RAD51AP2: variants seen among roughly 807,000 people sequenced by gnomAD.
The protein encoded by RAD51AP2 is RAD51-associated protein 2.
A neutral mutation model predicts 85.5 loss-of-function variants in RAD51AP2; 67 were observed. The ratio of observed to expected loss-of-function variants is 0.78; its 90% CI spans 0.64 to 0.96. RAD51AP2 has a LOEUF of 0.96. Ranked by LOEUF, RAD51AP2 falls within the 40% of genes least tolerant of loss-of-function variation. The pLI is 0.00. For synonymous variants in RAD51AP2, 474 were observed against 446.5 expected, an observed-to-expected ratio of 1.06 and a Z score of -0.78; for missense variants, 1,307 against 1,332.4, an observed-to-expected ratio of 0.98 and a Z score of 0.30.
chr2:17,534,977 A>C, the RAD51AP2 span, among the ~76,000 whole-genome samples: 1 of 152,232 alleles, frequency 6.6e-6, no homozygotes, highest in African/African-American at 2.4e-5. Context: ...TTGAAATGAA[A>C]AGCAGACTTT....
At chr2:17,531,665 A>T in the RAD51AP2 span, among the ~76,000 whole-genome samples, 1 of 152,222 alleles carries the variant, frequency 6.6e-6, no homozygotes, top group Non-Finnish European at 1.5e-5. Flanking sequence ...TACTTCCAGC[A>T]GTGGTACTGT....
Position 17,516,559 on chromosome 2 carries a change from T to C in RAD51AP2, c.1857A>G (p.Lys619=). Residue 619 remains lysine, a synonymous_variant, in exon 1 of 3, where the codon AAA becomes AAG. Transcript: ENST00000399080. ...FKCMLYLKYP[K]NIVENHTAYL... ...ATGCAGTATGATTTTCCACTATATT[T>C]TTTGGATACTTCAAATAAAGCATGC... 1.3e-6 allele frequency: 2 copies of C among 1,578,186 alleles called. No homozygotes were observed. The highest frequency in any genetic ancestry group is 1.7e-6 in the Non-Finnish European group (2 of 1,156,876).
chr2:17,517,848 T>G lies in RAD51AP2; in HGVS notation c.568A>C (p.Asn190His). The change falls in exon 1 of 3, where the codon AAT (asparagine) becomes CAT (histidine). Residue 190 changes from asparagine to histidine, a missense_variant. By Grantham distance (68) the Asn-to-His change is moderately conservative. This residue lies in a region of RAD51AP2 where 635 missense variants were observed against 643.6 expected (regional missense o/e 0.99). Coordinates refer to ENST00000399080, the MANE Select transcript of RAD51AP2 (RefSeq NM_001099218.3). ...TAAAAGGTAACATCTAAAAATGGAT[T>G]TTCTTTGTGAACATTGTCTCTTCCT... is the stretch of plus-strand genomic sequence containing the variant. ...VQGRDNVHKENPFLDVTFYKE... is the reference protein window; with the variant it reads ...VQGRDNVHKEHPFLDVTFYKE... 1 of 1,614,176 alleles carries G rather than the reference T, an allele frequency of 6.2e-7. No individual in the cohort carries two copies.
the RAD51AP2 span, among the ~76,000 whole-genome samples, chr2:17,531,370 T>C: frequency 2.0e-5 from 3 of 152,294 alleles, no homozygotes; most frequent in African/African-American, 7.2e-5. Flanking sequence ...TTATTTAGTC[T>C]TATTTTTCAA....
chr2:17,514,011 C>A lies in RAD51AP2; in HGVS notation c.3328+1G>T, dbSNP rs756582221. 98 of 1,485,662 alleles carry A rather than the reference C, an allele frequency of 6.6e-5. 2 individuals are homozygous for A. The Admixed American group carries it at 1.2e-3, about 18-fold the overall frequency. 92.0% of individuals were successfully genotyped at this position (1,485,662 alleles called of 1,614,324 possible). The stretch of plus-strand genomic sequence containing the variant: ...ATCCTAAAAAGTAACCACAATGTTA[C>A]CTCCTCTCAATAAATAATTAAATTC... On this transcript the variant is annotated splice_donor_variant, in intron 2 of 2. Coordinates refer to ENST00000399080, the MANE Select transcript of RAD51AP2 (RefSeq NM_001099218.3). LOFTEE classifies it high-confidence loss of function.
chr2:17,517,263 C>T lies in RAD51AP2; in HGVS notation c.1153G>A (p.Val385Ile), dbSNP rs377352642. The T allele has an allele frequency of 4.2e-5, 67 of 1,613,698 alleles. No individual in the cohort carries two copies. Among genetic ancestry groups the T allele is most frequent in the Admixed American group, 1.0e-4 (6 of 59,986 alleles). ...WEEAECLDSY[V>I]LTRLEKSQNW... ...TGAGATTTTTCCAGCCTGGTAAGTACGTAACTGTCCAGACATTCTGCTTCC... is the reference window on the plus strand; with the variant it reads ...TGAGATTTTTCCAGCCTGGTAAGTATGTAACTGTCCAGACATTCTGCTTCC... Residue 385 changes from valine (V) to isoleucine (I), a missense_variant, in exon 1 of 3, where the codon GTA (valine) becomes ATA (isoleucine). Coordinates refer to ENST00000399080, the MANE Select transcript of RAD51AP2 (RefSeq NM_001099218.3).
chr2:17,514,749 C>T (rs559230567), intron 1 of RAD51AP2, among the ~76,000 whole-genome samples: 1 of 151,936 alleles, frequency 6.6e-6, no homozygotes, highest in Non-Finnish European at 1.5e-5. Context: ...CAGCCTGGGC[C>T]ACAGAGCTCG....
chr2:17,522,292 T>TTAAATGTA (rs1228768295), upstream of RAD51AP2, among the ~76,000 whole-genome samples: 24 of 152,068 alleles, frequency 1.6e-4, no homozygotes, highest in African/African-American at 5.5e-4. Context: ...TTGCCATCCC[T>TTAAATGTA]TAAATGTATA....
At chr2:17,536,184 T>G in the RAD51AP2 span, among the ~76,000 whole-genome samples, 3 of 152,158 alleles carry the variant, frequency 2.0e-5, no homozygotes, top group Non-Finnish European at 4.4e-5. Context: ...GAGAAACAAG[T>G]CAGTAAGATC....
At position 17,515,447 on chromosome 2, in the gene RAD51AP2, G is replaced by A; in HGVS notation, c.2969C>T (p.Thr990Ile). Residue 990 changes from threonine to isoleucine, a missense_variant, in exon 1 of 3, where the codon ACT becomes ATT. This residue lies in a region of RAD51AP2 where 668 missense variants were observed against 671.0 expected (regional missense o/e 1.00). Transcript: ENST00000399080. The part of the protein sequence containing the change: ...EISRENELLS[T>I]VETNNGQENY... ...TTCTTGCCCATTGTTTGTTTCCACA[G>A]TGCTTAGAAGTTCATTTTCCCTACT... The A allele has an allele frequency of 1.7e-5, 27 of 1,613,452 alleles. No homozygotes were observed. The highest frequency in any genetic ancestry group is 2.2e-5 in the Non-Finnish European group (26 of 1,179,832).
Position 17,517,316 on chromosome 2 carries a change from A to T in RAD51AP2, c.1100T>A (p.Phe367Tyr). The T allele has an allele frequency of 1.2e-6, 2 of 1,614,008 alleles. No homozygotes were observed. Among genetic ancestry groups the T allele is most frequent in the Non-Finnish European group, 1.7e-6 (2 of 1,179,950 alleles). The change falls in exon 1 of 3, where the codon TTC (phenylalanine) becomes TAC (tyrosine). Residue 367 changes from phenylalanine to tyrosine, a missense_variant. Phe to Tyr is a conservative substitution (Grantham distance 22). Coordinates refer to ENST00000399080, the MANE Select transcript of RAD51AP2 (RefSeq NM_001099218.3). ...QCNVRDSRKN[F>Y]AILENANWEE... ...CCAATTTGCATTTTCTAGTATAGCG[A>T]AATTCTTTCTAGAGTCTCTTACATT...
chr2:17,510,714 A>G lies in RAD51AP2; in HGVS notation c.*90T>C, dbSNP rs956472109. ...AAAAAACTTCTCCACTTTATAATAA[A>G]GCAAGCCCCAAACCCCCAAGCTGGA... On this transcript the variant is annotated 3_prime_UTR_variant, in exon 3 of 3. Coordinates refer to ENST00000399080, the MANE Select transcript of RAD51AP2 (RefSeq NM_001099218.3). 4.9e-6 allele frequency: 4 copies of G among 823,438 alleles called. No homozygotes were observed. The Admixed American group carries it at 1.1e-4, about 23-fold the overall frequency. The allele number at this position is 823,438 out of a possible 1,614,324, so 51.0% of individuals were successfully genotyped here.
Position 17,515,710 on chromosome 2 carries a change from A to G in RAD51AP2, c.2706T>C (p.Tyr902=), listed in dbSNP as rs1366957824. The change falls in exon 1 of 3, where the codon TAT becomes TAC. Residue 902 remains tyrosine (Y), a synonymous_variant. Transcript: ENST00000399080. ...NQNYVTNTNE[Y]ESILPEREIA... is the part of the protein sequence containing the mutation. ...TCTCCCTTTCTGGCAAAATACTCTCATATTCATTTGTATTTGTTACATAAT... is the reference window on the plus strand; with the variant it reads ...TCTCCCTTTCTGGCAAAATACTCTCGTATTCATTTGTATTTGTTACATAAT... 1.9e-6 allele frequency: 3 copies of G among 1,602,446 alleles called. No homozygotes were observed. The highest frequency in any genetic ancestry group is 1.3e-5 in the African/African-American group (1 of 74,534).
At position 17,517,577 on chromosome 2, in the gene RAD51AP2, T is replaced by G. The variant is rs1022422520; in HGVS notation, c.839A>C (p.Lys280Thr). ...TGCCTCTTTTTTGTCATTCTTTTTCTTCGCTATTTCCTTTAAATAGACAGA... is the reference window on the plus strand; with the variant it reads ...TGCCTCTTTTTTGTCATTCTTTTTCGTCGCTATTTCCTTTAAATAGACAGA... The part of the protein sequence containing the change: ...MSSVYLKEIA[K>T]KKNDKKEAYV... Residue 280 changes from lysine to threonine, a missense_variant, in exon 1 of 3, where the codon AAG becomes ACG. Transcript: ENST00000399080. 2 of 1,613,866 alleles carry G rather than the reference T, an allele frequency of 1.2e-6. No homozygotes were observed. Among genetic ancestry groups the G allele is most frequent in the Admixed American group, 3.3e-5 (2 of 59,974 alleles).
the RAD51AP2 span, among the ~76,000 whole-genome samples, chr2:17,537,241 G>C: frequency 3.9e-5 from 6 of 151,956 alleles, no homozygotes; most frequent in Admixed American, 3.9e-4. Flanking sequence ...AGGATCACTT[G>C]AGCCCAGGAG....
rs566879909 is a variant in RAD51AP2 at position 17,515,317 on chromosome 2, A to G, written c.3099T>C (p.Asp1033=). 398 of 1,613,444 alleles carry G rather than the reference A, an allele frequency of 2.5e-4. 1 individual carries two copies. The South Asian group carries it at 4.2e-3, about 17-fold the overall frequency. Reference sequence around the variant, plus strand: ...TGCCCATATTAGGACCTGCTATAGTATCATGGAACGAGGAAGATGCACGTA... The same window carrying G: ...TGCCCATATTAGGACCTGCTATAGTGTCATGGAACGAGGAAGATGCACGTA... The part of the protein sequence containing the change: ...NKIRASSSFH[D]TIAGPNMGKS... Residue 1033 remains aspartate (D), a synonymous_variant, in exon 1 of 3, where the codon GAT becomes GAC. Coordinates refer to ENST00000399080, the MANE Select transcript of RAD51AP2 (RefSeq NM_001099218.3).
the RAD51AP2 span, among the ~76,000 whole-genome samples, chr2:17,535,788 G>A: frequency 6.6e-6 from 1 of 152,028 alleles, no homozygotes; most frequent in Admixed American, 6.6e-5. Flanking sequence ...TTAACATGAA[G>A]ATGCTCTATA....
At chr2:17,533,249 T>C in the RAD51AP2 span, among the ~76,000 whole-genome samples, 14 of 152,342 alleles carry the variant, frequency 9.2e-5, no homozygotes, top group African/African-American at 3.4e-4. Context: ...GCTGGACCTC[T>C]CCACCTATAT....
Position 17,515,985 on chromosome 2 carries a change from T to C in RAD51AP2, c.2431A>G (p.Ile811Val), listed in dbSNP as rs146696500. The C allele has an allele frequency of 3.9e-4, 629 of 1,612,800 alleles. 1 individual carries two copies. The African/African-American group carries it at 7.4e-3, about 19-fold the overall frequency. ...TTCCAAAAATTTAGTACTTGAGTTA[T>C]AGAAGTGGTATGGGTCTCTTCATTA... ...IHNEETHTTS[I>V]TQVLNFWNLL... The change falls in exon 1 of 3, where the codon ATA becomes GTA. Residue 811 changes from isoleucine to valine, a missense_variant. Physicochemically the swap from Ile to Val is conservative, Grantham distance 29 (BLOSUM62 3). This residue lies in a region of RAD51AP2 where 668 missense variants were observed against 671.0 expected (regional missense o/e 1.00). Transcript: ENST00000399080.
Sources: gnomAD v4.1 joint callset for allele counts (sites outside exome capture counted in the v4.1 genomes callset) on GRCh38, gnomAD v4.1.1 for gene constraint, gnomAD v4.1.1 regional missense constraint, MANE v1.5 for transcripts, NCBI Gene and HGNC (gene_info 2026-07-23, HGNC 2026-07-21) for gene names.